MFSD8: variants seen among roughly 807,000 people sequenced by gnomAD.
MFSD8 encodes major facilitator superfamily domain-containing protein 8.
A neutral mutation model predicts 66.4 loss-of-function variants in MFSD8; 55 were observed. The observed-to-expected ratio is 0.83, with a 90% confidence interval of 0.67 to 1.04. The LOEUF (loss-of-function observed/expected upper bound fraction) is 1.04. Ranked by LOEUF, MFSD8 falls within the 50% of genes least tolerant of loss-of-function variation. The probability of loss-of-function intolerance (pLI) is 0.00; values close to 1 mark genes in which losing one functional copy is unlikely to be tolerated. For synonymous variants in MFSD8, 202 were observed against 212.8 expected, an observed-to-expected ratio of 0.95 and a Z score of 0.44; for missense variants, 550 against 627.6, an observed-to-expected ratio of 0.88 and a Z score of 1.32.
chr4:127,934,298 A>C (rs1002780775), intron 7 of MFSD8, among the ~76,000 whole-genome samples: 1 of 152,150 alleles, frequency 6.6e-6, no homozygotes, highest in Non-Finnish European at 1.5e-5. Context: ...TGTTATCATT[A>C]CCATTTTAAA....
rs552123170 is a variant in MFSD8, at chr4:127,955,990, G to A, written c.154+1511C>T. Among the ~76,000 whole-genome samples, 48 of 152,062 alleles carry A rather than the reference G, an allele frequency of 3.2e-4. No individual in the cohort carries two copies. The South Asian group carries it at 9.2e-3, about 29-fold the overall frequency. Reference sequence around the variant, plus strand: ...AAAAATTAGCTGGGCGTGATAGCGTGCGCCTGTAGTCCCAGCTACTCGGGA... The same window carrying A: ...AAAAATTAGCTGGGCGTGATAGCGTACGCCTGTAGTCCCAGCTACTCGGGA... On this transcript the variant is annotated intron_variant, in intron 2 of 11. Coordinates refer to ENST00000641686, the MANE Select transcript of MFSD8 (RefSeq NM_001371596.2).
chr4:127,946,603 A>C (rs1741070137), intron 3 of MFSD8, among the ~76,000 whole-genome samples: 1 of 152,120 alleles, frequency 6.6e-6, no homozygotes, highest in Non-Finnish European at 1.5e-5. Flanking sequence ...TTAGGAGAGC[A>C]TTTTCAAAAA....
rs1244104478 is a variant in MFSD8 at position 127,962,595 on chromosome 4, GA to G, written c.62+2476del. On this transcript the variant is annotated intron_variant, in intron 1 of 11. Coordinates refer to ENST00000641686, the MANE Select transcript of MFSD8 (RefSeq NM_001371596.2). ...TCGATATTCATTTTAATGATCTCAA[GA>G]TAAAATCAAGTAAAGATAAAACTGC... is the stretch of plus-strand genomic sequence containing the variant. 2.6e-5 allele frequency among the ~76,000 whole-genome samples: 4 copies of G among 151,324 alleles called. No individual in the cohort carries two copies. In the East Asian group the frequency reaches 7.8e-4, roughly 29 times the overall value.
Position 127,947,936 on chromosome 4 carries a change from A to G in MFSD8, c.198+1868T>C, listed in dbSNP as rs546901477. Among the ~76,000 whole-genome samples the G allele has an allele frequency of 5.9e-5, 9 of 152,194 alleles. No homozygotes were observed. The South Asian group carries it at 1.0e-3, about 18-fold the overall frequency. On this transcript the variant is annotated intron_variant, in intron 3 of 11. Coordinates refer to ENST00000641686, the MANE Select transcript of MFSD8 (RefSeq NM_001371596.2). ...CCTCATAGAAAAACCAACAAGGGATAAACTGATAAGGAAGAATACACAAAA... is the reference window on the plus strand; with the variant it reads ...CCTCATAGAAAAACCAACAAGGGATGAACTGATAAGGAAGAATACACAAAA...
intron 7 of MFSD8, among the ~76,000 whole-genome samples, chr4:127,935,896 A>C (rs1166371268): frequency 6.6e-6 from 1 of 152,188 alleles, no homozygotes; most frequent in East Asian, 1.9e-4. Context: ...TGCTGCACAA[A>C]GTGTGATTTG....
intron 4 of MFSD8, among the ~76,000 whole-genome samples, chr4:127,942,999 A>T (rs1469765217): frequency 1.3e-5 from 2 of 151,378 alleles, no homozygotes; most frequent in Admixed American, 1.3e-4. Flanking sequence ...CGAGTGGATC[A>T]CGAGGTCAGG....
At chr4:127,943,390 GTTTT>G in intron 4 of MFSD8, 1 of 197,162 alleles carries the variant, frequency 5.1e-6, no homozygotes, top group Non-Finnish European at 1.0e-5. Context: ...TTTGTTTTGG[GTTTT>G]TTTTTTTTTA....
At chr4:127,958,867 G>A in intron 1 of MFSD8, among the ~76,000 whole-genome samples, 1 of 152,052 alleles carries the variant, frequency 6.6e-6, no homozygotes. Flanking sequence ...AATATTGAAA[G>A]GATAAAATTA....
intron 2 of MFSD8, among the ~76,000 whole-genome samples, chr4:127,950,756 C>T (rs1741801623): frequency 6.6e-6 from 1 of 151,700 alleles, no homozygotes; most frequent in Non-Finnish European, 1.5e-5. Context: ...AAAGCCTGTT[C>T]TTCAAAATGG....
chr4:127,929,721 A>G (rs1423739793), intron 9 of MFSD8, among the ~76,000 whole-genome samples: 1 of 152,236 alleles, frequency 6.6e-6, no homozygotes, highest in African/African-American at 2.4e-5. Context: ...AGTTAGAAGA[A>G]ATAAGACCTA....
rs558364311 is a variant in MFSD8 at position 127,954,391 on chromosome 4, G to A, written c.154+3110C>T. ...AGCACTTTGGGAGGCCAAGGCAGGT[G>A]GACTACCTGAGGTCAGGAGTTTGAG... On this transcript the variant is annotated intron_variant, in intron 2 of 11. Transcript: ENST00000641686. Among the ~76,000 whole-genome samples, 41 of 152,252 alleles carry A rather than the reference G, an allele frequency of 2.7e-4. 1 individual carries two copies. The highest frequency in any genetic ancestry group is 9.6e-4 in the African/African-American group (40 of 41,542).
chr4:127,947,898 A>ACT (rs70966062), intron 3 of MFSD8, among the ~76,000 whole-genome samples: 353 of 146,940 alleles, frequency 2.4e-3, no homozygotes, highest in African/African-American at 3.3e-3. Flanking sequence ...ACACACACAC[A>ACT]CTCTCTCTCC....
chr4:127,942,430 C>T (rs551108071), intron 4 of MFSD8, among the ~76,000 whole-genome samples: 1 of 152,268 alleles, frequency 6.6e-6, no homozygotes, highest in East Asian at 1.9e-4. Context: ...CACAGTGGCT[C>T]ACATCTGTAA....
At chr4:127,951,676 T>C (rs1299196801) in intron 2 of MFSD8, among the ~76,000 whole-genome samples, 1 of 152,070 alleles carries the variant, frequency 6.6e-6, no homozygotes, top group African/African-American at 2.4e-5. Context: ...TGTATTTTCA[T>C]ACAAATAGAA....
chr4:127,944,900 T>G (rs959822), intron 3 of MFSD8, among the ~76,000 whole-genome samples: 100,159 of 151,990 alleles, frequency 0.66, 33,222 homozygotes, highest in Middle Eastern at 0.82. Context: ...CCTCCAACTC[T>G]CAAAGCAATC....
chr4:127,930,806 G>A lies in MFSD8; in HGVS notation c.875C>T (p.Pro292Leu). 1 of 1,608,208 alleles carries A rather than the reference G, an allele frequency of 6.2e-7. No individual in the cohort carries two copies. Among genetic ancestry groups the A allele is most frequent in the Non-Finnish European group, 8.5e-7 (1 of 1,177,862 alleles). Residue 292 changes from proline to leucine, a missense_variant, in exon 9 of 12, where the codon CCA (proline) becomes CTA (leucine). Pro to Leu is a moderately conservative substitution (Grantham distance 98). Coordinates refer to ENST00000641686, the MANE Select transcript of MFSD8 (RefSeq NM_001371596.2). Reference protein sequence around the residue: ...IFALFETIITPLTMDMYAWTQ... With the variant: ...IFALFETIITLLTMDMYAWTQ... ...CCAGGCATACATATCCATTGTTAAT[G>A]GAGTAATGATGCTAAGAAAAAAAAA...
At chr4:127,949,755 G>A in intron 3 of MFSD8, 49 bp downstream of exon 3, 3 of 1,496,080 alleles carry the variant, frequency 2.0e-6, no homozygotes, top group Non-Finnish European at 2.8e-6. Context: ...CTACGTAAGA[G>A]TTACTACTAC....
In MFSD8 at chr4:127,939,834, A is replaced by G. The variant is rs759534880; in HGVS notation, c.698+19T>C. 1 of 1,599,622 alleles carries G rather than the reference A, an allele frequency of 6.3e-7. No homozygotes were observed. The highest frequency in any genetic ancestry group is 1.1e-5 in the South Asian group (1 of 89,586). ...TTTCACAATCTACAAAAATAGTTTT[A>G]TCATTTCTATCTAATTACCTTAGTA... On this transcript the variant is annotated intron_variant, in intron 6 of 11. Transcript: ENST00000641686.
Position 127,921,728 on chromosome 4 carries a change from A to G in MFSD8, c.1146T>C (p.Ile382=). The G allele has an allele frequency of 1.9e-6, 3 of 1,614,164 alleles. No homozygotes were observed. The highest frequency in any genetic ancestry group is 2.5e-6 in the Non-Finnish European group (3 of 1,180,028). ...NSIPNTTFGE[I]IIGLWKSPME... ...TTGGAGACTTCCAAAGACCAATAAT[A>G]ATTTCCCCAAATGTGGTATTAGGGA... The change falls in exon 11 of 12, where the codon ATT becomes ATC. Residue 382 remains isoleucine, a synonymous_variant. Coordinates refer to ENST00000641686, the MANE Select transcript of MFSD8 (RefSeq NM_001371596.2).
Sources: allele counts gnomAD v4.1 joint callset (sites outside exome capture counted in the v4.1 genomes callset), GRCh38; gene constraint gnomAD v4.1.1; transcripts MANE v1.5; gene names NCBI Gene and HGNC (gene_info 2026-07-23, HGNC 2026-07-21).